TPH1: variants seen among roughly 807,000 people sequenced by gnomAD.
TPH1 encodes tryptophan hydroxylase 1, also known as tryptophan 5-hydroxylase 1.
A neutral mutation model predicts 49.5 loss-of-function variants in TPH1; 37 were observed. The observed-to-expected ratio is 0.75, with a 90% CI of 0.58 to 0.98. TPH1 has a LOEUF of 0.98. Among genes scored for constraint, TPH1 ranks in the 50% least tolerant of loss-of-function variants. The pLI is 0.00. For synonymous variants in TPH1, 160 were observed against 182.1 expected (o/e 0.88, Z 0.98); for missense variants, 487 against 523.6 (o/e 0.93, Z 0.68).
chr11:18,018,875 T>C lies in TPH1; in HGVS notation c.*2116A>G, dbSNP rs1027827983. 10 of 152,104 alleles carry C rather than the reference T, an allele frequency of 6.6e-5. No individual in the cohort carries two copies. In the South Asian group the frequency reaches 8.3e-4, roughly 13 times the overall value. 9.4% of individuals were successfully genotyped at this position (152,104 alleles called of 1,614,324 possible). A position where few individuals can be genotyped will look rare whatever the true frequency, so the allele number is the denominator to read the frequency against. ...AATAACCACATATAGTATGCATAAT[T>C]TGTGTTATTTGCTATCTATTTTTTA... On this transcript the variant is annotated 3_prime_UTR_variant, in exon 11 of 11. Transcript: ENST00000682019.
intron 6 of TPH1, among the ~76,000 whole-genome samples, chr11:18,027,168 C>T (rs1239041446): frequency 2.6e-5 from 4 of 152,202 alleles, no homozygotes; most frequent in Non-Finnish European, 5.9e-5. Flanking sequence ...CATCTCCCAA[C>T]AGCCAAGACT....
chr11:18,026,224 T>C (rs1847927445), intron 7 of TPH1, among the ~76,000 whole-genome samples: 1 of 152,152 alleles, frequency 6.6e-6, no homozygotes, highest in Non-Finnish European at 1.5e-5. Flanking sequence ...AATTTGTGTC[T>C]GATTTTTTTC....
At chr11:18,032,667 T>G (rs914371949) in intron 4 of TPH1, among the ~76,000 whole-genome samples, 190 of 144,222 alleles carry the variant, frequency 1.3e-3, no homozygotes, top group African/African-American at 4.7e-3. Flanking sequence ...TGCTTCAGCC[T>G]CCCGAGTAGC....
intron 8 of TPH1, among the ~76,000 whole-genome samples, chr11:18,024,720 A>T (rs190470878): frequency 4.6e-5 from 7 of 152,052 alleles, no homozygotes; most frequent in Admixed American, 4.6e-4. Context: ...CATGATTTTG[A>T]CCTCAAGGAC....
intron 2 of TPH1, 33 bp downstream of exon 2, chr11:18,040,613 A>G: frequency 6.3e-7 from 1 of 1,592,302 alleles, no homozygotes; most frequent in Non-Finnish European, 8.6e-7. Context: ...CATTTCTAGA[A>G]GAATTCTGTG....
Position 18,020,067 on chromosome 11 carries a change from T to C in TPH1, c.*924A>G. 4.5e-6 allele frequency: 1 copy of C among 221,058 alleles called. No homozygotes were observed. Among genetic ancestry groups the C allele is most frequent in the Non-Finnish European group, 9.0e-6 (1 of 110,758 alleles). The allele number at this position is 221,058 out of a possible 1,614,324, so 13.7% of individuals were successfully genotyped here. On this transcript the variant is annotated 3_prime_UTR_variant, in exon 11 of 11. Coordinates refer to ENST00000682019, the MANE Select transcript of TPH1 (RefSeq NM_004179.3). ...TGTGCTTCTCTTATCTATCTCAGTT[T>C]GAACTCTTCCTTTGATAACAATGCT...
intron 3 of TPH1, 110 bp from the exon 4 acceptor site, chr11:18,033,484 T>C: frequency 1.1e-6 from 1 of 875,862 alleles, no homozygotes; most frequent in East Asian, 2.7e-5. Context: ...AGAGTTTTAA[T>C]TTTAGCTTGT....
At chr11:18,040,375 A>G (rs556735179) in intron 2 of TPH1, among the ~76,000 whole-genome samples, 6 of 147,800 alleles carry the variant, frequency 4.1e-5, no homozygotes, top group African/African-American at 1.5e-4. Context: ...ATATAGATAT[A>G]TATATAGAGA....
At chr11:18,036,213 T>C (rs1848047374) in intron 2 of TPH1, 71 bp from the exon 3 acceptor site, 2 of 1,163,634 alleles carry the variant, frequency 1.7e-6, no homozygotes, top group Non-Finnish European at 2.5e-6. Context: ...CAGGCTACTT[T>C]AATTACCACT....
intron 6 of TPH1, among the ~76,000 whole-genome samples, chr11:18,027,918 G>A (rs1332868208): frequency 2.0e-5 from 3 of 152,142 alleles, no homozygotes; most frequent in African/African-American, 7.2e-5. Context: ...TATAGTTGTT[G>A]AATACTGTTA....
intron 3 of TPH1, among the ~76,000 whole-genome samples, chr11:18,034,993 T>C (rs1848029710): frequency 6.6e-6 from 1 of 152,322 alleles, no homozygotes; most frequent in East Asian, 1.9e-4. Context: ...TGGATTCTCA[T>C]AAGAAGCACA....
At chr11:18,032,844 C>T (rs1324435827) in intron 4 of TPH1, among the ~76,000 whole-genome samples, 1 of 152,044 alleles carries the variant, frequency 6.6e-6, no homozygotes, top group Non-Finnish European at 1.5e-5. Context: ...CTGCACCCGG[C>T]CCGCTTGTTG....
chr11:18,042,540 C>A, intron 1 of TPH1: 1 of 277,108 alleles, frequency 3.6e-6, no homozygotes, highest in Non-Finnish European at 7.1e-6. Flanking sequence ...TATGTATCAA[C>A]CTCTTTATTT....
rs1208034245 is a variant in TPH1, at chr11:18,018,467, C to T, written c.*2524G>A. The T allele has an allele frequency of 6.6e-6, 1 of 151,832 alleles. No homozygotes were observed. The highest frequency in any genetic ancestry group is 1.5e-5 in the Non-Finnish European group (1 of 68,010). The allele number at this position is 151,832 out of a possible 1,614,324, so 9.4% of individuals were successfully genotyped here. Reference sequence around the variant, plus strand: ...AGATCACAATGTCAGGAGATTGAAACCATCCTGGCTAACACGGTGAAACCT... The same window carrying T: ...AGATCACAATGTCAGGAGATTGAAATCATCCTGGCTAACACGGTGAAACCT... On this transcript the variant is annotated 3_prime_UTR_variant, in exon 11 of 11. Coordinates refer to ENST00000682019, the MANE Select transcript of TPH1 (RefSeq NM_004179.3).
At chr11:18,042,940 T>C (rs1301668676) in intron 1 of TPH1, among the ~76,000 whole-genome samples, 2 of 152,216 alleles carry the variant, frequency 1.3e-5, no homozygotes, top group African/African-American at 4.8e-5. Flanking sequence ...TAATTTATTA[T>C]AAAACCCCTA....
intron 4 of TPH1, among the ~76,000 whole-genome samples, chr11:18,031,865 C>T (rs1001584675): frequency 1.3e-5 from 2 of 152,106 alleles, no homozygotes; most frequent in Non-Finnish European, 2.9e-5. Context: ...AGTGTTTGCT[C>T]TCTTATGTGT....
At chr11:18,028,787 G>A (rs925072574) in intron 6 of TPH1, among the ~76,000 whole-genome samples, 14 of 152,056 alleles carry the variant, frequency 9.2e-5, no homozygotes, top group South Asian at 2.1e-4. Context: ...TGTCATTGTC[G>A]GGTGTGGTGG....
chr11:18,045,482 C>CCCCCT (rs1296740991), intron 1 of TPH1, among the ~76,000 whole-genome samples: 32 of 149,226 alleles, frequency 2.1e-4, no homozygotes, highest in African/African-American at 7.2e-4. Flanking sequence ...CCACCCCCCC[C>CCCCCT]TTTTTTTTTT....
At position 18,018,214 on chromosome 11, in the gene TPH1, C is replaced by T. The variant is rs1011019134; in HGVS notation, c.*2777G>A. 4.6e-5 allele frequency: 7 copies of T among 151,414 alleles called. No homozygotes were observed. The highest frequency in any genetic ancestry group is 3.9e-4 in the Admixed American group (6 of 15,194). 9.4% of individuals were successfully genotyped at this position (151,414 alleles called of 1,614,324 possible). ...AAAATTATAAACGAAGCTTTTAGTT[C>T]AATTCTGTTCTCACATTTGGGTAAC... is the stretch of plus-strand genomic sequence containing the variant. On this transcript the variant is annotated 3_prime_UTR_variant, in exon 11 of 11. Coordinates refer to ENST00000682019, the MANE Select transcript of TPH1 (RefSeq NM_004179.3).
Sources: allele counts gnomAD v4.1 joint callset (sites outside exome capture counted in the v4.1 genomes callset), GRCh38; gene constraint gnomAD v4.1.1; transcripts MANE v1.5; gene names NCBI Gene and HGNC (gene_info 2026-07-23, HGNC 2026-07-21).